The following ZMYM2 variants were observed in gnomAD, a reference collection of about 807,000 sequenced individuals.
ZMYM2 encodes the protein zinc finger MYM-type protein 2.
ZMYM2 carries 56 observed loss-of-function variants against 162.8 expected under a neutral mutation model. The observed-to-expected ratio is 0.34, with a 90% CI of 0.28 to 0.43. The LOEUF is 0.43. Among genes scored for constraint, ZMYM2 ranks in the 20% least tolerant of loss-of-function variants. The probability of loss-of-function intolerance (pLI) is 1.00; values close to 1 mark genes in which losing one functional copy is unlikely to be tolerated. For synonymous variants in ZMYM2, 510 were observed against 541.6 expected (o/e 0.94, Z 0.81); for missense variants, 1,275 against 1,621.8 (o/e 0.79, Z 3.67).
chr13:19,976,362 T>C (rs73426085), intron 2 of ZMYM2, among the ~76,000 whole-genome samples: 11,653 of 150,650 alleles, frequency 0.077, 1,376 homozygotes, highest in African/African-American at 0.25. Context: ...GAAAGAAAAA[T>C]AGCAATCCTA....
chr13:19,864,915 G>A, the ZMYM2 span: 1 of 152,318 alleles, frequency 6.6e-6, no homozygotes, highest in Non-Finnish European at 1.5e-5. Context: ...TCCACGTAAA[G>A]ATGGAAGCGA....
At chr13:20,012,008 C>T (rs183656902) in intron 6 of ZMYM2, among the ~76,000 whole-genome samples, 1 of 152,080 alleles carries the variant, frequency 6.6e-6, no homozygotes, top group African/African-American at 2.4e-5. Context: ...CCTCGACCTC[C>T]CAAAGTGCTA....
chr13:19,960,105 C>T (rs1366640224), intron 2 of ZMYM2, 79 bp downstream of exon 2: 1 of 152,232 alleles, frequency 6.6e-6, no homozygotes, highest in African/African-American at 2.4e-5. Context: ...ACCTGGCCCT[C>T]CCCGTTGTTT....
intron 2 of ZMYM2, among the ~76,000 whole-genome samples, chr13:19,963,345 G>A (rs1955451468): frequency 6.6e-6 from 1 of 152,152 alleles, no homozygotes. Context: ...CAGGACTTTT[G>A]AAGTATTCAG....
At chr13:19,872,169 G>GT in the ZMYM2 span, among the ~76,000 whole-genome samples, 1 of 151,276 alleles carries the variant, frequency 6.6e-6, no homozygotes, top group Non-Finnish European at 1.5e-5. Flanking sequence ...TAAAAACGAG[G>GT]TTTTGCCATG....
At chr13:19,916,347 T>C in the ZMYM2 span, among the ~76,000 whole-genome samples, 1 of 152,278 alleles carries the variant, frequency 6.6e-6, no homozygotes, top group Non-Finnish European at 1.5e-5. Context: ...TTTGACCCAG[T>C]GATCCCATTA....
chr13:19,967,307 A>C (rs1211788949), intron 2 of ZMYM2, among the ~76,000 whole-genome samples: 1 of 152,158 alleles, frequency 6.6e-6, no homozygotes, highest in African/African-American at 2.4e-5. Context: ...GGTTCTAGAG[A>C]TATATGAGGG....
chr13:19,956,894 G>A (rs1381414919), upstream of ZMYM2, among the ~76,000 whole-genome samples: 1 of 152,202 alleles, frequency 6.6e-6, no homozygotes, highest in African/African-American at 2.4e-5. Flanking sequence ...TTGTTTTGAT[G>A]ATAGTGGCTG....
chr13:20,084,725 G>C (rs997185857), intron 24 of ZMYM2, among the ~76,000 whole-genome samples: 9 of 152,282 alleles, frequency 5.9e-5, no homozygotes, highest in African/African-American at 2.2e-4. Flanking sequence ...AACGTTTAGA[G>C]ACCATAGATT....
At chr13:19,888,674 A>G in the ZMYM2 span, among the ~76,000 whole-genome samples, 1 of 151,798 alleles carries the variant, frequency 6.6e-6, no homozygotes. Flanking sequence ...ATTTCAGCTC[A>G]TTGCAACCTC....
rs1007116366 is a variant in ZMYM2, at chr13:19,960,040, C to T, written c.-11+14C>T. ...AACACCCCCATTGTGAGTCCTTTGC[C>T]CCTAATTTGTTGCTAATAGAGGACA... On this transcript the variant is annotated intron_variant, in intron 2 of 24. Coordinates refer to ENST00000610343, the MANE Select transcript of ZMYM2 (RefSeq NM_197968.4). The T allele has an allele frequency of 4.6e-5, 7 of 152,336 alleles. No individual in the cohort carries two copies. Among genetic ancestry groups the T allele is most frequent in the African/African-American group, 1.4e-4 (6 of 41,454 alleles). The allele number at this position is 152,336 out of a possible 1,614,324, so 9.4% of individuals were successfully genotyped here.
Position 20,005,291 on chromosome 13 carries a change from A to C in ZMYM2, c.1299+52A>C, listed in dbSNP as rs1950656261. ...AATTCTAACAAATAGGAATATTTTA[A>C]ACTTCATTTAAGAACTATTAGATAA... On this transcript the variant is annotated intron_variant, in intron 5 of 24. Transcript: ENST00000610343. 5 of 1,329,090 alleles carry C rather than the reference A, an allele frequency of 3.8e-6. No homozygotes were observed. The African/African-American group carries it at 6.2e-5, about 16-fold the overall frequency. The allele number at this position is 1,329,090 out of a possible 1,614,324, so 82.3% of individuals were successfully genotyped here.
intron 14 of ZMYM2, among the ~76,000 whole-genome samples, chr13:20,057,495 T>C (rs1464036758): frequency 1.3e-5 from 2 of 152,206 alleles, no homozygotes; most frequent in South Asian, 2.1e-4. Flanking sequence ...TTTATATGCA[T>C]AAGGGTACAG....
chr13:19,895,172 G>A, the ZMYM2 span, among the ~76,000 whole-genome samples: 7 of 151,284 alleles, frequency 4.6e-5, no homozygotes, highest in Non-Finnish European at 7.4e-5. Context: ...TGATGTGCAT[G>A]TGGAGAAACT....
At chr13:19,937,456 C>CTT in the ZMYM2 span, among the ~76,000 whole-genome samples, 31 of 105,074 alleles carry the variant, frequency 3.0e-4, no homozygotes, top group South Asian at 9.6e-4. Flanking sequence ...TAGTATTCCT[C>CTT]TTTTTTTTTT....
intron 2 of ZMYM2, among the ~76,000 whole-genome samples, chr13:19,974,170 T>C (rs1353990706): frequency 6.6e-6 from 1 of 152,078 alleles, no homozygotes; most frequent in Non-Finnish European, 1.5e-5. Context: ...AAACTCACTC[T>C]TCTTCCTCTG....
At chr13:20,078,106 A>G (rs1957642360) in intron 21 of ZMYM2, among the ~76,000 whole-genome samples, 1 of 151,950 alleles carries the variant, frequency 6.6e-6, no homozygotes, top group Non-Finnish European at 1.5e-5. Flanking sequence ...CGTGAGCCCC[A>G]CTGCACCTGG....
chr13:20,005,218 A>C lies in ZMYM2; in HGVS notation c.1278A>C (p.Thr426=). ...GAGCTCTAAATAAATCAAGATGTAC[A>C]ATCTGTGGTAAACTAACTGAGGTTT... ...TKGALNKSRC[T]ICGKLTEIRH... is the part of the protein sequence containing the mutation. The change falls in exon 5 of 25, where the codon ACA becomes ACC. Residue 426 remains threonine (T), a synonymous_variant. Coordinates refer to ENST00000610343, the MANE Select transcript of ZMYM2 (RefSeq NM_197968.4). 2 of 1,572,672 alleles carry C rather than the reference A, an allele frequency of 1.3e-6. No individual in the cohort carries two copies. The highest frequency in any genetic ancestry group is 2.4e-5 in the South Asian group (2 of 83,394).
At chr13:19,948,787 G>T in the ZMYM2 span, among the ~76,000 whole-genome samples, 1 of 152,206 alleles carries the variant, frequency 6.6e-6, no homozygotes, top group Non-Finnish European at 1.5e-5. Flanking sequence ...GTGGAATGGG[G>T]TGTGTGGGAA....
Sources: allele counts gnomAD v4.1 joint callset (sites outside exome capture counted in the v4.1 genomes callset), GRCh38; gene constraint gnomAD v4.1.1; transcripts MANE v1.5; gene names NCBI Gene and HGNC (gene_info 2026-07-23, HGNC 2026-07-21).